Variants in SORCS3 observed in about 807,000 individuals in gnomAD.
SORCS3 encodes sortilin related VPS10 domain containing receptor 3.
A neutral mutation model predicts 146.3 loss-of-function variants in SORCS3; 57 were observed. That is an observed-to-expected ratio of 0.39 (90% confidence interval 0.31 to 0.49). The LOEUF (loss-of-function observed/expected upper bound fraction) is 0.49, where lower values mean the gene tolerates loss of function less well. Among genes scored for constraint, SORCS3 ranks in the 20% least tolerant of loss-of-function variants. SORCS3 has a pLI of 0.92. For synonymous variants in SORCS3, 653 were observed against 618.5 expected, an observed-to-expected ratio of 1.06 and a Z score of -0.83; for missense variants, 1,341 against 1,575.5, an observed-to-expected ratio of 0.85 and a Z score of 2.52.
intron 16 of SORCS3, among the ~76,000 whole-genome samples, chr10:105,207,945 G>A (rs7900435): frequency 0.32 from 48,987 of 151,796 alleles, 7,962 homozygotes; most frequent in South Asian, 0.44. Context: ...TAGGGTTAAT[G>A]GGACATTCAA....
chr10:105,222,449 T>G (rs2056709673), intron 19 of SORCS3, among the ~76,000 whole-genome samples: 1 of 152,216 alleles, frequency 6.6e-6, no homozygotes, highest in Admixed American at 6.5e-5. Flanking sequence ...TTCATGTATA[T>G]TCTTCTACTT....
intron 14 of SORCS3, among the ~76,000 whole-genome samples, chr10:105,196,684 G>A (rs1397106377): frequency 6.6e-6 from 1 of 152,088 alleles, no homozygotes; most frequent in African/African-American, 2.4e-5. Context: ...GAGCTCCCTA[G>A]AATATCAACC....
At chr10:105,110,275 C>CA (rs1490336228) in intron 7 of SORCS3, among the ~76,000 whole-genome samples, 5 of 151,772 alleles carry the variant, frequency 3.3e-5, no homozygotes, top group Non-Finnish European at 5.9e-5. Flanking sequence ...TGCTTCAAAC[C>CA]CTTCTCTTAT....
chr10:104,686,819 A>G (rs1167980414), intron 1 of SORCS3, among the ~76,000 whole-genome samples: 1 of 151,998 alleles, frequency 6.6e-6, no homozygotes, highest in Non-Finnish European at 1.5e-5. Context: ...ATCCTCATAC[A>G]TCTGTTTGTC....
intron 1 of SORCS3, among the ~76,000 whole-genome samples, chr10:104,772,854 A>G (rs979151510): frequency 2.0e-5 from 3 of 152,204 alleles, no homozygotes; most frequent in African/African-American, 7.2e-5. Context: ...CAGTCAATTC[A>G]TCAAAAAGCA....
intron 5 of SORCS3, among the ~76,000 whole-genome samples, chr10:105,070,308 G>A (rs74157409): frequency 0.028 from 4,301 of 152,308 alleles, 197 homozygotes; most frequent in African/African-American, 0.097. Flanking sequence ...AAGTTAATTA[G>A]TAGGTGGTAC....
rs113555102 is a variant in SORCS3, at chr10:105,263,577, A to G, written c.*203A>G. ...TGAGACAAAGGGAATAAATGGCTGT[A>G]TTTGTGCTAAGAGCAAAGGATGCAT... On this transcript the variant is annotated 3_prime_UTR_variant, in exon 27 of 27. Coordinates refer to ENST00000369701, the MANE Select transcript of SORCS3 (RefSeq NM_014978.3). The G allele has an allele frequency of 4.1e-5, 23 of 560,596 alleles. No individual in the cohort carries two copies. The highest frequency in any genetic ancestry group is 3.0e-4 in the African/African-American group (16 of 53,122). 34.7% of individuals were successfully genotyped at this position (560,596 alleles called of 1,614,324 possible). A position where few individuals can be genotyped will look rare whatever the true frequency, so the allele number is the denominator to read the frequency against.
At chr10:104,859,121 A>G (rs1455226088) in intron 2 of SORCS3, among the ~76,000 whole-genome samples, 11 of 151,996 alleles carry the variant, frequency 7.2e-5, no homozygotes, top group Non-Finnish European at 1.2e-4. Context: ...GCCTAAATTT[A>G]TTGTAAAATT....
intron 1 of SORCS3, among the ~76,000 whole-genome samples, chr10:104,703,588 G>T (rs1026054980): frequency 3.3e-5 from 5 of 151,776 alleles, no homozygotes; most frequent in African/African-American, 1.2e-4. Flanking sequence ...ACAATACACC[G>T]GGGCCTGCTG....
chr10:104,996,976 G>A (rs868632937), intron 4 of SORCS3, among the ~76,000 whole-genome samples: 2 of 152,060 alleles, frequency 1.3e-5, no homozygotes, highest in Non-Finnish European at 2.9e-5. Context: ...TTATTTTTTC[G>A]ATGATCCCTG....
At chr10:104,831,464 C>G (rs2018000131) in intron 1 of SORCS3, among the ~76,000 whole-genome samples, 1 of 152,118 alleles carries the variant, frequency 6.6e-6, no homozygotes, top group African/African-American at 2.4e-5. Flanking sequence ...CCAAACGGTA[C>G]CAAGATAGGG....
chr10:105,077,570 G>A, intron 5 of SORCS3, among the ~76,000 whole-genome samples: 1 of 135,052 alleles, frequency 7.4e-6, no homozygotes, highest in Non-Finnish European at 1.6e-5. Flanking sequence ...ACACACAGAG[G>A]GATGGTATTA....
At position 105,150,394 on chromosome 10, in the gene SORCS3, A is replaced by G. The variant is rs187157853; in HGVS notation, c.1482+2598A>G. On this transcript the variant is annotated intron_variant, in intron 9 of 26. Coordinates refer to ENST00000369701, the MANE Select transcript of SORCS3 (RefSeq NM_014978.3). ...ACACCGCAGCACTGATGTAAAAAGG[A>G]TGTGATCTGTGCAGGCAGATCCTTA... 4.3e-3 allele frequency among the ~76,000 whole-genome samples: 650 copies of G among 152,278 alleles called. 2 individuals are homozygous for G. Among genetic ancestry groups the G allele is most frequent in the Admixed American group, 8.1e-3 (124 of 15,290 alleles).
At chr10:105,170,862 T>G (rs1413521080) in intron 13 of SORCS3, among the ~76,000 whole-genome samples, 1 of 152,198 alleles carries the variant, frequency 6.6e-6, no homozygotes, top group East Asian at 1.9e-4. Context: ...TCTTGTCTCC[T>G]GCTTGTGAGA....
chr10:104,879,777 C>T (rs752998894), intron 2 of SORCS3, among the ~76,000 whole-genome samples: 6 of 152,242 alleles, frequency 3.9e-5, no homozygotes, highest in South Asian at 2.1e-4. Context: ...CCAGGGCTCA[C>T]GGCTTGCATA....
intron 2 of SORCS3, among the ~76,000 whole-genome samples, chr10:104,915,526 T>C (rs1309583723): frequency 9.0e-5 from 4 of 44,664 alleles, no homozygotes; most frequent in African/African-American, 8.7e-5. Flanking sequence ...GGTGGGGGGG[T>C]GGGGCGGGGC....
chr10:104,768,512 C>T (rs373026857), intron 1 of SORCS3, among the ~76,000 whole-genome samples: 48 of 152,026 alleles, frequency 3.2e-4, no homozygotes, highest in African/African-American at 9.6e-4. Context: ...AGAAAGGAAA[C>T]AAAAAATTAG....
chr10:104,703,587 C>T (rs1300073775), intron 1 of SORCS3, among the ~76,000 whole-genome samples: 4 of 130,332 alleles, frequency 3.1e-5, no homozygotes, highest in African/African-American at 5.7e-5. Flanking sequence ...AACAATACAC[C>T]GGGGCCTGCT....
intron 7 of SORCS3, among the ~76,000 whole-genome samples, chr10:105,106,287 A>G (rs190410908): frequency 6.6e-6 from 1 of 151,418 alleles, no homozygotes; most frequent in East Asian, 2.0e-4. Flanking sequence ...AACTTTGAAA[A>G]CTCCCTGAGT....
Sources: allele counts gnomAD v4.1 joint callset (sites outside exome capture counted in the v4.1 genomes callset), GRCh38; gene constraint gnomAD v4.1.1; transcripts MANE v1.5; gene names NCBI Gene and HGNC (gene_info 2026-07-23, HGNC 2026-07-21).